Variants in MAN1C1 observed in about 807,000 individuals in gnomAD.
MAN1C1 encodes mannosidase alpha class 1C member 1.
In MAN1C1, 49 loss-of-function variants were observed where a neutral mutation model predicts 71.5. The observed-to-expected ratio is 0.69, with a 90% CI of 0.54 to 0.87. The LOEUF (loss-of-function observed/expected upper bound fraction) is 0.87. Ranked by LOEUF, MAN1C1 falls within the 40% of genes least tolerant of loss-of-function variation. The pLI is 0.00. For synonymous variants in MAN1C1, 352 were observed against 343.7 expected, an observed-to-expected ratio of 1.02 and a Z score of -0.27; for missense variants, 743 against 835.0, an observed-to-expected ratio of 0.89 and a Z score of 1.36.
intron 2 of MAN1C1, among the ~76,000 whole-genome samples, chr1:25,701,624 T>C (rs571107701): frequency 6.6e-6 from 1 of 152,162 alleles, no homozygotes; most frequent in South Asian, 2.1e-4. Context: ...TTGGCCCAGG[T>C]GGCACTTTTT....
chr1:25,640,949 C>G (rs2124760027), intron 1 of MAN1C1, among the ~76,000 whole-genome samples: 1 of 152,296 alleles, frequency 6.6e-6, no homozygotes, highest in African/African-American at 2.4e-5. Flanking sequence ...ATAAGGTTCT[C>G]TGTGCTCTGA....
intron 1 of MAN1C1, among the ~76,000 whole-genome samples, chr1:25,660,396 CTTTTTTTTTTTTTTT>C (rs1178878513): frequency 3.1e-4 from 30 of 97,604 alleles, no homozygotes; most frequent in African/African-American, 6.3e-4. Flanking sequence ...AGTGAAATTC[CTTTTTTTTTTTTTTT>C]TTTTTTTTTT....
chr1:25,752,534 T>A (rs1266466524), intron 4 of MAN1C1, among the ~76,000 whole-genome samples: 3 of 152,226 alleles, frequency 2.0e-5, no homozygotes, highest in Non-Finnish European at 4.4e-5. Flanking sequence ...ACTTTCCTAT[T>A]GTTTGATATT....
In MAN1C1 at chr1:25,730,974, T is replaced by C. The variant is rs899644391; in HGVS notation, c.638-15694T>C. On this transcript the variant is annotated intron_variant, in intron 2 of 11. Coordinates refer to ENST00000374332, the MANE Select transcript of MAN1C1 (RefSeq NM_020379.4). This position sits in a 1 kb window ranked among gnomAD's most constrained non-coding sequence, Gnocchi z 4.3. ...TGGTAAGCCACAGAGCCAAGGCACATGGTTTGACCACAAGCCTGTGCTTCC... is the reference window on the plus strand; with the variant it reads ...TGGTAAGCCACAGAGCCAAGGCACACGGTTTGACCACAAGCCTGTGCTTCC... Among the ~76,000 whole-genome samples, 5 of 152,188 alleles carry C rather than the reference T, an allele frequency of 3.3e-5. No homozygotes were observed. The highest frequency in any genetic ancestry group is 1.2e-4 in the African/African-American group (5 of 41,446).
At chr1:25,770,074 C>T (rs1033356991) in intron 7 of MAN1C1, among the ~76,000 whole-genome samples, 1 of 152,114 alleles carries the variant, frequency 6.6e-6, no homozygotes, top group South Asian at 2.1e-4. Flanking sequence ...CCATGACTTC[C>T]AGCCTCCCCG....
At chr1:25,708,951 C>T (rs894909086) in intron 2 of MAN1C1, among the ~76,000 whole-genome samples, 4 of 152,098 alleles carry the variant, frequency 2.6e-5, no homozygotes, top group Non-Finnish European at 4.4e-5. Flanking sequence ...TTTCATTCCA[C>T]TCCAACTGGG....
intron 1 of MAN1C1, among the ~76,000 whole-genome samples, chr1:25,646,967 T>C (rs76221937): frequency 0.02 from 3,022 of 152,268 alleles, 105 homozygotes; most frequent in African/African-American, 0.068. Flanking sequence ...GGTGACTCTG[T>C]TCAACTTGGT....
At chr1:25,620,178 T>TA (rs952883651) in intron 1 of MAN1C1, among the ~76,000 whole-genome samples, 1 of 151,508 alleles carries the variant, frequency 6.6e-6, no homozygotes, top group African/African-American at 2.4e-5. Context: ...GGAAGAGGGG[T>TA]GAGGATTCTG....
At chr1:25,768,972 TACAC>T (rs1345707743) in intron 7 of MAN1C1, among the ~76,000 whole-genome samples, 2 of 93,246 alleles carry the variant, frequency 2.1e-5, no homozygotes, top group African/African-American at 8.6e-5. Flanking sequence ...ACCCCCACAC[TACAC>T]ACACTCCCCT....
In MAN1C1 at chr1:25,746,812, G is replaced by T. The variant is rs1171080434; in HGVS notation, c.753+29G>T. 1 of 1,293,806 alleles carries T rather than the reference G, an allele frequency of 7.7e-7. No individual in the cohort carries two copies. Among genetic ancestry groups the T allele is most frequent in the Admixed American group, 2.0e-5 (1 of 50,538 alleles). 80.1% of individuals were successfully genotyped at this position (1,293,806 alleles called of 1,614,324 possible). On this transcript the variant is annotated intron_variant, in intron 3 of 11. Transcript: ENST00000374332. The surrounding 1 kb of genome is among the most constrained non-coding windows in gnomAD (Gnocchi z 4.0). ...AGTCAGAGGCCCTCGGCGGGGGAGG[G>T]GGGCGGGGGCCAGAAGAGGCCCAAC...
At chr1:25,767,436 T>C (rs2047449439) in intron 7 of MAN1C1, among the ~76,000 whole-genome samples, 1 of 63,862 alleles carries the variant, frequency 1.6e-5, no homozygotes, top group African/African-American at 6.4e-5. Flanking sequence ...CACACACACA[T>C]TACACACTCC....
chr1:25,753,278 A>G lies in MAN1C1; in HGVS notation c.835-206A>G, dbSNP rs930486301. Among the ~76,000 whole-genome samples, 5 of 152,162 alleles carry G rather than the reference A, an allele frequency of 3.3e-5. No homozygotes were observed. The highest frequency in any genetic ancestry group is 1.2e-4 in the African/African-American group (5 of 41,428). On this transcript the variant is annotated intron_variant, in intron 4 of 11. Coordinates refer to ENST00000374332, the MANE Select transcript of MAN1C1 (RefSeq NM_020379.4). The surrounding 1 kb of genome is among the most constrained non-coding windows in gnomAD (Gnocchi z 4.9). ...TCTCTAAGAAGGCCAGTATTATCCT[A>G]TTTTATGGACAAAAGCTGAGGCTCA... is the stretch of plus-strand genomic sequence containing the variant.
At chr1:25,763,631 G>A in intron 6 of MAN1C1, 1 of 517,724 alleles carries the variant, frequency 1.9e-6, no homozygotes, top group Non-Finnish European at 3.5e-6. Flanking sequence ...CCAGGTGCCA[G>A]GCAGAGCAGT....
At position 25,779,124 on chromosome 1, in the gene MAN1C1, T is replaced by C. The variant is rs1205206464; in HGVS notation, c.1477+800T>C. Among the ~76,000 whole-genome samples, 1 of 152,138 alleles carries C rather than the reference T, an allele frequency of 6.6e-6. No individual in the cohort carries two copies. The highest frequency in any genetic ancestry group is 1.9e-4 in the East Asian group (1 of 5,186). ...AGACGCCCACCGCTCTGAGTGGTAATCCCAGTGTTGGTTGGAGGGGACGAC... is the reference window on the plus strand; with the variant it reads ...AGACGCCCACCGCTCTGAGTGGTAACCCCAGTGTTGGTTGGAGGGGACGAC... On this transcript the variant is annotated intron_variant, in intron 9 of 11. Transcript: ENST00000374332. This position sits in a 1 kb window ranked among gnomAD's most constrained non-coding sequence, Gnocchi z 4.6.
At chr1:25,718,016 A>ACACG in intron 2 of MAN1C1, among the ~76,000 whole-genome samples, 1 of 152,160 alleles carries the variant, frequency 6.6e-6, no homozygotes, top group East Asian at 1.9e-4. Flanking sequence ...ACACACACAC[A>ACACG]CACACACACA....
intron 1 of MAN1C1, chr1:25,659,130 G>A (rs1440017909): frequency 6.6e-6 from 1 of 152,274 alleles, no homozygotes; most frequent in East Asian, 1.9e-4. Flanking sequence ...ACCCAGCTGG[G>A]ACTTGGATGT....
intron 1 of MAN1C1, among the ~76,000 whole-genome samples, chr1:25,648,208 C>T (rs1422725247): frequency 6.6e-6 from 1 of 152,252 alleles, no homozygotes; most frequent in African/African-American, 2.4e-5. Context: ...GAAGCATCTG[C>T]TCATCAGGGA....
At chr1:25,689,452 A>G (rs533807821) in intron 2 of MAN1C1, among the ~76,000 whole-genome samples, 1 of 152,342 alleles carries the variant, frequency 6.6e-6, no homozygotes, top group African/African-American at 2.4e-5. Flanking sequence ...CTGCCTGACA[A>G]ATAGAACCTG....
intron 1 of MAN1C1, among the ~76,000 whole-genome samples, chr1:25,681,992 A>G (rs976285482): frequency 1.3e-5 from 2 of 152,098 alleles, no homozygotes; most frequent in African/African-American, 4.8e-5. Context: ...TACTAGCTGT[A>G]CTAGGGCAGA....
Sources: allele counts gnomAD v4.1 joint callset (sites outside exome capture counted in the v4.1 genomes callset), GRCh38; gene constraint gnomAD v4.1.1; non-coding constraint Gnocchi (gnomAD v3.1); transcripts MANE v1.5; gene names NCBI Gene and HGNC (gene_info 2026-07-23, HGNC 2026-07-21).